Variants in NOL11 observed in about 807,000 individuals in gnomAD.
NOL11 encodes nucleolar protein 11.
Under a neutral mutation model 93.0 loss-of-function variants are expected in NOL11, and 42 were observed. The ratio of observed to expected loss-of-function variants is 0.45; its 90% confidence interval spans 0.35 to 0.58. NOL11 has a LOEUF of 0.58. Among genes scored for constraint, NOL11 ranks in the 20% least tolerant of loss-of-function variants. The pLI, the probability that NOL11 is intolerant of heterozygous loss-of-function variation, is 0.00. For synonymous variants in NOL11, 296 were observed against 293.7 expected (o/e 1.01, Z -0.08); for missense variants, 775 against 841.8 (o/e 0.92, Z 0.98).
intron 7 of NOL11, among the ~76,000 whole-genome samples, chr17:67,732,030 A>G (rs2055158394): frequency 6.6e-6 from 1 of 152,176 alleles, no homozygotes; most frequent in Admixed American, 6.5e-5. Flanking sequence ...TTTGATTGAG[A>G]TTGAACTGAG....
At chr17:67,727,918 CAAAAAAAAAAAAA>C (rs57241605) in intron 7 of NOL11, among the ~76,000 whole-genome samples, 2 of 112,606 alleles carry the variant, frequency 1.8e-5, no homozygotes, top group African/African-American at 6.9e-5. Flanking sequence ...GACTTTGTCT[CAAAAAAAAAAAAA>C]AAAAAAAAAA....
chr17:67,726,387 A>G, intron 6 of NOL11, 73 bp from the exon 7 acceptor site: 1 of 1,264,862 alleles, frequency 7.9e-7, no homozygotes, highest in Non-Finnish European at 1.1e-6. Context: ...CTTATAAACA[A>G]CCTAGTACAT....
chr17:67,728,547 C>G (rs1173976655), intron 7 of NOL11, among the ~76,000 whole-genome samples: 1 of 152,164 alleles, frequency 6.6e-6, no homozygotes, highest in Admixed American at 6.5e-5. Flanking sequence ...CCATCTTCCT[C>G]TCTTTCTTAT....
intron 16 of NOL11, among the ~76,000 whole-genome samples, chr17:67,741,425 A>G (rs2055255960): frequency 6.6e-6 from 1 of 151,924 alleles, no homozygotes; most frequent in Non-Finnish European, 1.5e-5. Context: ...TCCCTGTGTT[A>G]CCCAGGCTGG....
At chr17:67,736,143 G>A in intron 9 of NOL11, 120 bp downstream of exon 9, 2 of 968,460 alleles carry the variant, frequency 2.1e-6, no homozygotes, top group Non-Finnish European at 3.0e-6. Flanking sequence ...ATTTACCGCT[G>A]TTTATTGAAA....
chr17:67,734,755 A>G (rs116239199), intron 8 of NOL11, among the ~76,000 whole-genome samples: 1,554 of 152,302 alleles, frequency 0.01, 26 homozygotes, highest in African/African-American at 0.034. Context: ...TCAGTGCTGT[A>G]TGATTGTGCC....
intron 7 of NOL11, 106 bp from the exon 8 acceptor site, chr17:67,734,257 C>CT: frequency 1.5e-6 from 1 of 679,328 alleles, no homozygotes; most frequent in East Asian, 2.8e-5. Context: ...TAATTCATTT[C>CT]TATACTAAAG....
In NOL11 at chr17:67,743,804, A is replaced by C. The variant is rs767744271; in HGVS notation, c.2105A>C (p.Asn702Thr). 6.4e-7 allele frequency: 1 copy of C among 1,554,162 alleles called. No homozygotes were observed. The highest frequency in any genetic ancestry group is 8.6e-7 in the Non-Finnish European group (1 of 1,156,660). ...EVSFRELQKLNQEKNNRGLYS... is the reference protein window; with the variant it reads ...EVSFRELQKLTQEKNNRGLYS... ...AGTTTTCGGGAGCTACAGAAATTAAATCAAGAAAAGAATAATAGAGGATTA... is the reference window on the plus strand; with the variant it reads ...AGTTTTCGGGAGCTACAGAAATTAACTCAAGAAAAGAATAATAGAGGATTA... The change falls in exon 18 of 18, where the codon AAT becomes ACT. Residue 702 changes from asparagine (N) to threonine (T), a missense_variant. Physicochemically the swap from Asn to Thr is moderately conservative, Grantham distance 65. Transcript: ENST00000253247.
At chr17:67,729,912 G>GACTT (rs1599041279) in intron 7 of NOL11, among the ~76,000 whole-genome samples, 1 of 152,032 alleles carries the variant, frequency 6.6e-6, no homozygotes, top group South Asian at 2.1e-4. Flanking sequence ...TGGCTTCTTT[G>GACTT]ACTTAGACTT....
intron 16 of NOL11, among the ~76,000 whole-genome samples, chr17:67,742,551 CTTATG>C (rs1180996537): frequency 1.3e-5 from 2 of 152,076 alleles, no homozygotes; most frequent in East Asian, 3.8e-4. Context: ...TTCTTTATGG[CTTATG>C]TTATGTTTAA....
Position 67,739,511 on chromosome 17 carries a change from C to T in NOL11, c.1843-5C>T, listed in dbSNP as rs754157587. ...GATAAACTATCCATTTTTTTTCCCA[C>T]CCAGCTGTTTCTTAAGTATTTGTAT... is the stretch of plus-strand genomic sequence containing the variant. On this transcript the variant is annotated splice_region_variant and splice_polypyrimidine_tract_variant and intron_variant, in intron 15 of 17. Coordinates refer to ENST00000253247, the MANE Select transcript of NOL11 (RefSeq NM_015462.5). 2.6e-6 allele frequency: 4 copies of T among 1,551,610 alleles called. No individual in the cohort carries two copies. The African/African-American group carries it at 4.2e-5, about 16-fold the overall frequency.
intron 7 of NOL11, among the ~76,000 whole-genome samples, chr17:67,730,966 G>T (rs2055149099): frequency 6.6e-6 from 1 of 152,208 alleles, no homozygotes; most frequent in Non-Finnish European, 1.5e-5. Context: ...GGCCATTCTA[G>T]TGGGTGTGAA....
intron 5 of NOL11, among the ~76,000 whole-genome samples, 181 bp from the exon 6 acceptor site, chr17:67,723,868 G>T (rs530372775): frequency 6.6e-6 from 1 of 151,890 alleles, no homozygotes; most frequent in Non-Finnish European, 1.5e-5. Context: ...ATCACACCAC[G>T]GTAGCCCAGC....
At position 67,722,607 on chromosome 17, in the gene NOL11, A is replaced by G. The variant is rs764705870; in HGVS notation, c.489A>G (p.Arg163=). 1 of 1,573,102 alleles carries G rather than the reference A, an allele frequency of 6.4e-7. No individual in the cohort carries two copies. Among genetic ancestry groups the G allele is most frequent in the South Asian group, 1.2e-5 (1 of 81,804 alleles). ...IKWTKFFVVF[R]HPVLIFITEK... ...GGACAAAGTTTTTCGTAGTATTCAG[A>G]CATCCTGTTTTAATTTTTATTACTG... Residue 163 remains arginine, a synonymous_variant, in exon 5 of 18, where the codon AGA becomes AGG. Coordinates refer to ENST00000253247, the MANE Select transcript of NOL11 (RefSeq NM_015462.5).
At chr17:67,721,340 T>C in intron 3 of NOL11, 38 bp from the exon 4 acceptor site, 2 of 1,362,824 alleles carry the variant, frequency 1.5e-6, no homozygotes, top group Non-Finnish European at 2.0e-6. Flanking sequence ...GTATAAATTG[T>C]TTTAGAATAA....
intron 7 of NOL11, 104 bp downstream of exon 7, chr17:67,726,752 C>A: frequency 1.2e-6 from 1 of 846,274 alleles, no homozygotes; most frequent in Non-Finnish European, 1.7e-6. Context: ...CAGACTAATT[C>A]ATTCTCTTTA....
intron 16 of NOL11, chr17:67,743,269 A>C: frequency 2.8e-6 from 1 of 351,098 alleles, no homozygotes. Flanking sequence ...TCCCATCTCT[A>C]AAATTTTTTT....
chr17:67,722,510 TTTGA>T (rs1468526163), intron 4 of NOL11, 66 bp from the exon 5 acceptor site: 3 of 1,512,846 alleles, frequency 2.0e-6, no homozygotes, highest in Admixed American at 2.7e-5. Context: ...TTGATTAAAT[TTTGA>T]TTGATATGTG....
At chr17:67,733,090 G>A (rs942534981) in intron 7 of NOL11, among the ~76,000 whole-genome samples, 4 of 151,848 alleles carry the variant, frequency 2.6e-5, no homozygotes, top group East Asian at 2.0e-4. Flanking sequence ...TTGGCTGGGC[G>A]TGGTGGCTCA....
Sources: allele counts gnomAD v4.1 joint callset (sites outside exome capture counted in the v4.1 genomes callset), GRCh38; gene constraint gnomAD v4.1.1; transcripts MANE v1.5; gene names NCBI Gene and HGNC (gene_info 2026-07-23, HGNC 2026-07-21).